SNTG1: variants seen among roughly 807,000 people sequenced by gnomAD.
The protein encoded by SNTG1 is gamma-1-syntrophin.
SNTG1 carries 39 observed loss-of-function variants against 74.7 expected under a neutral mutation model. That is an observed-to-expected ratio of 0.52 (90% CI 0.40 to 0.68). The LOEUF is 0.68. Ranked by LOEUF, SNTG1 falls within the 30% of genes least tolerant of loss-of-function variation. SNTG1 has a pLI of 0.00. For synonymous variants in SNTG1, 254 were observed against 217.1 expected, an observed-to-expected ratio of 1.17 and a Z score of -1.49; for missense variants, 685 against 609.5, an observed-to-expected ratio of 1.12 and a Z score of -1.30.
intron 1 of SNTG1, among the ~76,000 whole-genome samples, chr8:49,973,355 G>A (rs1465557048): frequency 6.6e-6 from 1 of 151,292 alleles, no homozygotes; most frequent in Admixed American, 6.6e-5. Context: ...ACACACCAGG[G>A]CCTGTTGTGG....
At chr8:49,918,087 A>T (rs1404979557) in intron 1 of SNTG1, among the ~76,000 whole-genome samples, 1 of 152,210 alleles carries the variant, frequency 6.6e-6, no homozygotes, top group African/African-American at 2.4e-5. Flanking sequence ...ATATTCAGTC[A>T]GATTTTTTCC....
At position 50,043,016 on chromosome 8, in the gene SNTG1, G is replaced by A. The variant is rs138879555; in HGVS notation, c.-102-129545G>A. Among the ~76,000 whole-genome samples the A allele has an allele frequency of 5.9e-5, 9 of 152,134 alleles. No homozygotes were observed. In the East Asian group the frequency reaches 1.7e-3, roughly 29 times the overall value. ...AAAAGTTATGATTTTTTAAAATTAT[G>A]TGTATTTAAATTTATGATTACTAGT... On this transcript the variant is annotated intron_variant, in intron 1 of 18. Coordinates refer to ENST00000642720, the MANE Select transcript of SNTG1 (RefSeq NM_018967.5).
chr8:50,774,046 T>C (rs1478847868), intron 18 of SNTG1, among the ~76,000 whole-genome samples: 2 of 151,954 alleles, frequency 1.3e-5, no homozygotes, highest in Admixed American at 1.3e-4. Flanking sequence ...AATATCTCAA[T>C]GTCAATAGGG....
intron 2 of SNTG1, among the ~76,000 whole-genome samples, chr8:50,388,738 T>C (rs549872299): frequency 2.0e-5 from 3 of 152,324 alleles, no homozygotes; most frequent in East Asian, 3.9e-4. Flanking sequence ...GTTCAACTTA[T>C]TTGATGAGAC....
intron 2 of SNTG1, among the ~76,000 whole-genome samples, chr8:50,202,260 T>C (rs529487942): frequency 6.6e-6 from 1 of 152,272 alleles, no homozygotes; most frequent in East Asian, 1.9e-4. Context: ...TTTTGACAAA[T>C]GGGTAGGGCC....
At chr8:50,349,986 G>A (rs562435384) in intron 2 of SNTG1, among the ~76,000 whole-genome samples, 12 of 152,296 alleles carry the variant, frequency 7.9e-5, no homozygotes, top group East Asian at 1.9e-4. Context: ...CTGGGTGGGC[G>A]TGGGCTTGGC....
At chr8:50,725,959 C>T (rs1009043136) in intron 17 of SNTG1, among the ~76,000 whole-genome samples, 46 of 152,178 alleles carry the variant, frequency 3.0e-4, no homozygotes, top group African/African-American at 1.1e-3. Flanking sequence ...TAGTATTCCA[C>T]ACTTGAAAAA....
intron 1 of SNTG1, among the ~76,000 whole-genome samples, chr8:50,054,122 C>T (rs1052195208): frequency 2.6e-5 from 4 of 152,040 alleles, no homozygotes; most frequent in Non-Finnish European, 5.9e-5. Context: ...TGTGAATATT[C>T]CCAAATCTCC....
At chr8:50,075,763 C>A (rs1192322743) in intron 1 of SNTG1, among the ~76,000 whole-genome samples, 2 of 152,168 alleles carry the variant, frequency 1.3e-5, no homozygotes, top group Non-Finnish European at 2.9e-5. Flanking sequence ...GACCACGAAC[C>A]CCCTGGGAGG....
chr8:50,582,432 A>G (rs1237238903), intron 12 of SNTG1, among the ~76,000 whole-genome samples: 2 of 152,184 alleles, frequency 1.3e-5, no homozygotes, highest in Non-Finnish European at 2.9e-5. Flanking sequence ...AGCAGTTATT[A>G]GATACTGATA....
chr8:50,260,640 G>T (rs1265791125), intron 2 of SNTG1, among the ~76,000 whole-genome samples: 1 of 150,210 alleles, frequency 6.7e-6, no homozygotes. Context: ...GAAATTATCA[G>T]ACCAGAAATG....
chr8:50,690,696 G>T (rs1025398340), intron 15 of SNTG1, among the ~76,000 whole-genome samples: 1 of 152,180 alleles, frequency 6.6e-6, no homozygotes, highest in Non-Finnish European at 1.5e-5. Flanking sequence ...AGTAGGTGTG[G>T]TGTGGTGCTG....
At chr8:50,147,928 C>T (rs1015752336) in intron 1 of SNTG1, among the ~76,000 whole-genome samples, 50 of 151,954 alleles carry the variant, frequency 3.3e-4, no homozygotes, top group Admixed American at 3.2e-3. Context: ...CTACTTGAGA[C>T]AGGGAAAATA....
intron 1 of SNTG1, among the ~76,000 whole-genome samples, chr8:49,937,074 G>A (rs1309039481): frequency 3.9e-5 from 6 of 152,238 alleles, no homozygotes; most frequent in Middle Eastern, 3.4e-3. Context: ...GCTTGAACCC[G>A]GGAGGCGGAG....
chr8:50,073,624 T>C (rs1821570187), intron 1 of SNTG1, among the ~76,000 whole-genome samples: 1 of 152,068 alleles, frequency 6.6e-6, no homozygotes, highest in Admixed American at 6.5e-5. Context: ...ACTATAGCCT[T>C]AGAAATTGTA....
chr8:50,659,035 CAA>C (rs1256831100), intron 15 of SNTG1, among the ~76,000 whole-genome samples: 3 of 151,362 alleles, frequency 2.0e-5, no homozygotes, highest in African/African-American at 7.3e-5. Context: ...GAATAAAATG[CAA>C]AAGAGAAAGA....
intron 9 of SNTG1, among the ~76,000 whole-genome samples, chr8:50,526,314 T>C (rs2094218971): frequency 6.6e-6 from 1 of 152,100 alleles, no homozygotes; most frequent in African/African-American, 2.4e-5. Flanking sequence ...TTTCTTCCAC[T>C]CTAGAGAGTG....
chr8:50,704,681 C>T lies in SNTG1; in HGVS notation c.1120C>T (p.Leu374=). 1 of 1,614,116 alleles carries T rather than the reference C, an allele frequency of 6.2e-7. No individual in the cohort carries two copies. Among genetic ancestry groups the T allele is most frequent in the Non-Finnish European group, 8.5e-7 (1 of 1,180,028 alleles). The change falls in exon 16 of 19, where the codon CTG becomes TTG. Residue 374 remains leucine (L), a synonymous_variant. Transcript: ENST00000642720. The part of the protein sequence containing the change: ...SGEDLYFSVE[L]ESDLAQWERA... ...GGAGGACCTGTACTTCTCAGTGGAG[C>T]TGGAAAGTGACCTCGCCCAGTGGGA... is the stretch of plus-strand genomic sequence containing the variant.
chr8:50,682,610 T>C (rs1288014885), intron 15 of SNTG1, among the ~76,000 whole-genome samples: 1 of 152,180 alleles, frequency 6.6e-6, no homozygotes, highest in South Asian at 2.1e-4. Flanking sequence ...CTAACACTGG[T>C]TATCCTCAGC....
Sources: gnomAD v4.1 joint callset for allele counts (sites outside exome capture counted in the v4.1 genomes callset) on GRCh38, gnomAD v4.1.1 for gene constraint, MANE v1.5 for transcripts, NCBI Gene and HGNC (gene_info 2026-07-23, HGNC 2026-07-21) for gene names.